PRPF39: variants seen among roughly 807,000 people sequenced by gnomAD.
PRPF39 encodes pre-mRNA-processing factor 39.
Under a neutral mutation model 82.1 loss-of-function variants are expected in PRPF39, and 27 were observed. The observed-to-expected ratio is 0.33, with a 90% confidence interval of 0.24 to 0.45. The LOEUF (loss-of-function observed/expected upper bound fraction) is 0.45, where lower values mean the gene tolerates loss of function less well. PRPF39 is among the 20% of genes least tolerant of loss of function. PRPF39 has a pLI of 1.00. For missense variants in PRPF39, 581 were observed against 796.9 expected, an observed-to-expected ratio of 0.73 and a Z score of 3.26; for synonymous variants, 261 against 256.4, an observed-to-expected ratio of 1.02 and a Z score of -0.17.
intron 12 of PRPF39, 87 bp from the exon 13 acceptor site, chr14:45,114,407 A>T: frequency 7.1e-7 from 1 of 1,417,026 alleles, no homozygotes; most frequent in Non-Finnish European, 9.5e-7. Flanking sequence ...AACTTCAGTA[A>T]AACAAATATA....
chr14:45,114,283 A>G (rs1430033424), intron 12 of PRPF39, 26 bp downstream of exon 12: 1 of 1,525,918 alleles, frequency 6.6e-7, no homozygotes, highest in Admixed American at 1.8e-5. Flanking sequence ...CTAAGTCAAG[A>G]AGGCGTGCTT....
intron 1 of PRPF39, among the ~76,000 whole-genome samples, chr14:45,086,804 T>C (rs1883841686): frequency 6.6e-6 from 1 of 151,900 alleles, no homozygotes; most frequent in African/African-American, 2.4e-5. Flanking sequence ...AAATTTAATA[T>C]TCGAGTAATA....
At chr14:45,092,015 C>T (rs1281803242) in intron 1 of PRPF39, among the ~76,000 whole-genome samples, 1 of 152,200 alleles carries the variant, frequency 6.6e-6, no homozygotes, top group East Asian at 1.9e-4. Flanking sequence ...TAGACTACTT[C>T]ATGGACATGA....
At chr14:45,104,171 T>A (rs572779100) in intron 5 of PRPF39, among the ~76,000 whole-genome samples, 1 of 152,174 alleles carries the variant, frequency 6.6e-6, no homozygotes, top group Non-Finnish European at 1.5e-5. Flanking sequence ...TAAATAAATA[T>A]CCCACTAGGC....
At chr14:45,111,105 G>T in intron 10 of PRPF39, 2 of 342,204 alleles carry the variant, frequency 5.8e-6, no homozygotes, top group Non-Finnish European at 1.1e-5. Flanking sequence ...TTACTAAGTA[G>T]AACAGAGGAC....
chr14:45,106,378 G>A (rs1884533810), intron 5 of PRPF39, among the ~76,000 whole-genome samples: 1 of 151,832 alleles, frequency 6.6e-6, no homozygotes, highest in Non-Finnish European at 1.5e-5. Flanking sequence ...GAAATACTGA[G>A]GGTATTCATT....
At chr14:45,097,112 T>G (rs1444112757) in intron 4 of PRPF39, 107 bp downstream of exon 4, 62 of 1,388,504 alleles carry the variant, frequency 4.5e-5, no homozygotes, top group Non-Finnish European at 5.5e-5. Flanking sequence ...TTCTATTCCA[T>G]TGTTAAAAAA....
At chr14:45,101,813 T>C (rs993495759) in intron 4 of PRPF39, among the ~76,000 whole-genome samples, 7 of 151,636 alleles carry the variant, frequency 4.6e-5, no homozygotes, top group Non-Finnish European at 1.0e-4. Flanking sequence ...TGTATACTTT[T>C]TTTTTTTTTT....
chr14:45,115,555 C>G lies in PRPF39; in HGVS notation c.*642C>G, dbSNP rs1336468490. On this transcript the variant is annotated 3_prime_UTR_variant, in exon 14 of 14. Coordinates refer to ENST00000355765, the MANE Select transcript of PRPF39 (RefSeq NM_017922.4). ...CTTGTGAACAAGCTTTCATTTTGAT[C>G]AAACTGATCTTCATTTTTGTAATAA... 1 of 152,464 alleles carries G rather than the reference C, an allele frequency of 6.6e-6. No homozygotes were observed. The highest frequency in any genetic ancestry group is 1.5e-5 in the Non-Finnish European group (1 of 68,002). 9.4% of individuals were successfully genotyped at this position (152,464 alleles called of 1,614,324 possible).
chr14:45,099,131 G>A lies in PRPF39; in HGVS notation c.569+2126G>A, dbSNP rs529037298. On this transcript the variant is annotated intron_variant, in intron 4 of 13. Coordinates refer to ENST00000355765, the MANE Select transcript of PRPF39 (RefSeq NM_017922.4). ...TCTCTTTGGGTCTGATGTAAATGAA[G>A]TTTTATAAAAATGAGCTTTGATGTG... is the stretch of plus-strand genomic sequence containing the variant. Among the ~76,000 whole-genome samples the A allele has an allele frequency of 1.8e-4, 28 of 152,282 alleles. No homozygotes were observed. In the South Asian group the frequency reaches 3.7e-3, roughly 20 times the overall value.
intron 2 of PRPF39, chr14:45,095,809 G>A: frequency 1.9e-6 from 1 of 529,966 alleles, no homozygotes; most frequent in East Asian, 3.6e-5. Context: ...GTGTAAAATT[G>A]CTGAAATAAA....
At chr14:45,109,520 TCAA>T in intron 7 of PRPF39, 93 bp from the exon 8 acceptor site, 3 of 975,778 alleles carry the variant, frequency 3.1e-6, no homozygotes. Context: ...ATTTTAATCA[TCAA>T]TTATATTTAA....
intron 13 of PRPF39, 84 bp downstream of exon 13, chr14:45,114,698 T>C: frequency 1.3e-6 from 2 of 1,483,304 alleles, no homozygotes; most frequent in Non-Finnish European, 1.8e-6. Flanking sequence ...AAAAAAGTTT[T>C]TGTTCCAATT....
At chr14:45,092,573 C>T (rs1267530427) in intron 1 of PRPF39, among the ~76,000 whole-genome samples, 4 of 147,434 alleles carry the variant, frequency 2.7e-5, no homozygotes, top group African/African-American at 1.0e-4. Context: ...TGCACTCCCG[C>T]CTGGGTGACA....
chr14:45,105,609 C>T (rs1884504675), intron 5 of PRPF39, among the ~76,000 whole-genome samples: 1 of 151,318 alleles, frequency 6.6e-6, no homozygotes, highest in Non-Finnish European at 1.5e-5. Context: ...TCACTGCAGC[C>T]TCCACCTCCC....
intron 11 of PRPF39, among the ~76,000 whole-genome samples, chr14:45,113,120 T>C (rs1190981057): frequency 6.6e-6 from 1 of 152,254 alleles, no homozygotes; most frequent in African/African-American, 2.4e-5. Flanking sequence ...CTGTTAGGCA[T>C]GTGCCTTTTA....
At chr14:45,114,108 G>T in intron 11 of PRPF39, 75 bp from the exon 12 acceptor site, 1 of 1,156,458 alleles carries the variant, frequency 8.6e-7, no homozygotes, top group Non-Finnish European at 1.2e-6. Flanking sequence ...AGTTTCCTAA[G>T]TAAAAACAAC....
chr14:45,114,962 T>C lies in PRPF39; in HGVS notation c.*49T>C, dbSNP rs1411857337. 1.4e-6 allele frequency: 2 copies of C among 1,435,084 alleles called. No homozygotes were observed. The highest frequency in any genetic ancestry group is 9.8e-7 in the Non-Finnish European group (1 of 1,020,176). The allele number at this position is 1,435,084 out of a possible 1,614,324, so 88.9% of individuals were successfully genotyped here. A position where few individuals can be genotyped will look rare whatever the true frequency, so the allele number is the denominator to read the frequency against. On this transcript the variant is annotated 3_prime_UTR_variant, in exon 14 of 14. Transcript: ENST00000355765. ...GCAGTGTGTGAAAAGTATGAAATTA[T>C]TATTTTTTTTAATGAGGGATGTAAA...
intron 10 of PRPF39, chr14:45,111,103 TAGAAC>T: frequency 2.8e-6 from 1 of 352,400 alleles, no homozygotes; most frequent in South Asian, 3.6e-5. Flanking sequence ...GATTACTAAG[TAGAAC>T]AGAGGACTTG....
Sources: gnomAD v4.1 joint callset for allele counts (sites outside exome capture counted in the v4.1 genomes callset) on GRCh38, gnomAD v4.1.1 for gene constraint, MANE v1.5 for transcripts, NCBI Gene and HGNC (gene_info 2026-07-23, HGNC 2026-07-21) for gene names.